The following NOL4L variants were observed in gnomAD, a reference collection of about 807,000 sequenced individuals.
The protein encoded by NOL4L is nucleolar protein 4-like.
Under a neutral mutation model 64.5 loss-of-function variants are expected in NOL4L, and 7 were observed. The ratio of observed to expected loss-of-function variants is 0.11; its 90% CI spans 0.06 to 0.20. The LOEUF is 0.20. Among genes scored for constraint, NOL4L ranks in the 10% least tolerant of loss-of-function variants. The pLI is 1.00. For synonymous variants in NOL4L, 413 were observed against 401.0 expected (o/e 1.03, Z -0.36); for missense variants, 680 against 967.1 (o/e 0.70, Z 3.94).
In NOL4L at chr20:32,453,297, G is replaced by T. The variant is rs186271969; in HGVS notation, c.1497+7C>A. On this transcript the variant is annotated splice_region_variant and intron_variant, in intron 8 of 10. Transcript: ENST00000621426. This position sits in a 1 kb window ranked among gnomAD's most constrained non-coding sequence, Gnocchi z 5.6. ...GGGAAAGTGTGGGCCAGGCAGGGGG[G>T]ACTCACCATCTCCATGCCGTTCTTC... The T allele has an allele frequency of 6.2e-4, 1,004 of 1,611,758 alleles. 2 individuals carry two copies. Among genetic ancestry groups the T allele is most frequent in the African/African-American group, 9.7e-4 (73 of 75,022 alleles).
chr20:32,507,036 G>A (rs2017166756), intron 4 of NOL4L, among the ~76,000 whole-genome samples: 1 of 152,184 alleles, frequency 6.6e-6, no homozygotes, highest in Non-Finnish European at 1.5e-5. Context: ...CAGTCCTCCA[G>A]AGGTGAGCCC....
chr20:32,572,532 C>T (rs1979817287), intron 1 of NOL4L: 1 of 152,216 alleles, frequency 6.6e-6, no homozygotes, highest in African/African-American at 2.4e-5. Context: ...GATTCGAACC[C>T]AGGGCTCTTG....
intron 1 of NOL4L, among the ~76,000 whole-genome samples, chr20:32,551,112 A>G (rs2018795366): frequency 6.6e-6 from 1 of 152,108 alleles, no homozygotes; most frequent in Non-Finnish European, 1.5e-5. Flanking sequence ...ACGGTGGCTC[A>G]TGCCTGTAAT....
chr20:32,515,405 G>T (rs1368318425), intron 3 of NOL4L, among the ~76,000 whole-genome samples: 2 of 152,128 alleles, frequency 1.3e-5, no homozygotes, highest in East Asian at 3.9e-4. Flanking sequence ...TTCTAGGTGA[G>T]GAAATGAGCC....
intron 10 of NOL4L, chr20:32,451,861 G>A (rs563735434): frequency 3.5e-4 from 59 of 170,072 alleles, no homozygotes; most frequent in Non-Finnish European, 6.3e-4. Context: ...ACGGGGCTGC[G>A]GAGATTCAAC....
chr20:32,559,432 A>C (rs1430741370), intron 1 of NOL4L, among the ~76,000 whole-genome samples: 11 of 152,266 alleles, frequency 7.2e-5, no homozygotes, highest in Admixed American at 6.5e-4. Flanking sequence ...AACACACAGT[A>C]GGAACTCGAT....
chr20:32,500,960 C>A (rs1004598308), intron 4 of NOL4L, among the ~76,000 whole-genome samples: 1 of 152,152 alleles, frequency 6.6e-6, no homozygotes, highest in Non-Finnish European at 1.5e-5. Flanking sequence ...AAACAAATCT[C>A]CTATGCATAA....
intron 4 of NOL4L, among the ~76,000 whole-genome samples, chr20:32,500,621 T>C (rs1039856005): frequency 4.6e-5 from 7 of 151,666 alleles, no homozygotes; most frequent in African/African-American, 1.7e-4. Context: ...GTTTTTAATA[T>C]GGTTTTCCAA....
Position 32,453,654 on chromosome 20 carries a change from A to G in NOL4L, c.1227T>C (p.Asp409=). The G allele has an allele frequency of 1.9e-6, 3 of 1,597,038 alleles. No individual in the cohort carries two copies. In the South Asian group the frequency reaches 3.4e-5, roughly 18 times the overall value. Reference sequence around the variant, plus strand: ...CATTGTCCTCATGGTCATCGTGGTCATCGTCGTCATCATCTGCCGTCGGGG... The same window carrying G: ...CATTGTCCTCATGGTCATCGTGGTCGTCGTCGTCATCATCTGCCGTCGGGG... ...GRAPTADDDD[D]DHDDHEDNDK... The change falls in exon 7 of 11, where the codon GAT becomes GAC. Residue 409 remains aspartate (D), a synonymous_variant. Transcript: ENST00000621426. This position sits in a 1 kb window ranked among gnomAD's most constrained non-coding sequence, Gnocchi z 5.6.
Position 32,527,744 on chromosome 20 carries a change from G to A in NOL4L, c.477+14C>T, listed in dbSNP as rs1195979550. 7 of 1,543,640 alleles carry A rather than the reference G, an allele frequency of 4.5e-6. No homozygotes were observed. The highest frequency in any genetic ancestry group is 4.1e-5 in the African/African-American group (3 of 72,928). On this transcript the variant is annotated intron_variant, in intron 2 of 10. Coordinates refer to ENST00000621426, the MANE Select transcript of NOL4L (RefSeq NM_001256798.2). ...CTGGGGCTGCCAGTGGAGGCAAAGAGACAGAAATCTCACCGCTCGGTAGGT... is the reference window on the plus strand; with the variant it reads ...CTGGGGCTGCCAGTGGAGGCAAAGAAACAGAAATCTCACCGCTCGGTAGGT...
Position 32,453,433 on chromosome 20 carries a change from G to C in NOL4L, c.1368C>G (p.Pro456=). The change falls in exon 8 of 11, where the codon CCC becomes CCG. Residue 456 remains proline (P), a synonymous_variant. Transcript: ENST00000621426. This position sits in a 1 kb window ranked among gnomAD's most constrained non-coding sequence, Gnocchi z 5.6. ...CGATGATGGCCTGGATCTTCTCCTT[G>C]GGCTGCTTGGAGATGGGCACCATGC... ...LDRMVPISKQ[P]KEKIQAIIES... 6.2e-7 allele frequency: 1 copy of C among 1,614,070 alleles called. No individual in the cohort carries two copies. The highest frequency in any genetic ancestry group is 8.5e-7 in the Non-Finnish European group (1 of 1,180,008).
At chr20:32,557,297 C>T (rs1173018176) in intron 1 of NOL4L, among the ~76,000 whole-genome samples, 1 of 152,246 alleles carries the variant, frequency 6.6e-6, no homozygotes, top group African/African-American at 2.4e-5. Context: ...AGCACCAAGC[C>T]TCCTTATCAC....
At position 32,460,473 on chromosome 20, in the gene NOL4L, C is replaced by T. The variant is rs147985923; in HGVS notation, c.842-4078G>A. Among the ~76,000 whole-genome samples the T allele has an allele frequency of 2.6e-3, 394 of 152,262 alleles. 3 individuals are homozygous for T. Among genetic ancestry groups the T allele is most frequent in the Middle Eastern group, 0.01 (3 of 292 alleles). ...CTGCAACCTGAGGCCCATGTTTTGCCGACTGGGGAGGCCACAGGTTTGAGC... is the reference window on the plus strand; with the variant it reads ...CTGCAACCTGAGGCCCATGTTTTGCTGACTGGGGAGGCCACAGGTTTGAGC... On this transcript the variant is annotated intron_variant, in intron 5 of 10. Transcript: ENST00000621426. The surrounding 1 kb of genome is among the most constrained non-coding windows in gnomAD (Gnocchi z 5.7).
At chr20:32,507,003 G>A (rs1019841458) in intron 4 of NOL4L, among the ~76,000 whole-genome samples, 3 of 152,198 alleles carry the variant, frequency 2.0e-5, no homozygotes, top group Admixed American at 1.3e-4. Context: ...GAACTGCAGA[G>A]AGGGAGGCAA....
At chr20:32,452,785 G>T (rs550772308) in intron 9 of NOL4L, 99 bp downstream of exon 9, 1 of 1,549,276 alleles carries the variant, frequency 6.5e-7, no homozygotes, top group East Asian at 2.3e-5. Flanking sequence ...CCCTTCTCCC[G>T]ACTGTACCCA....
At chr20:32,527,991 G>A in intron 1 of NOL4L, 78 bp from the exon 2 acceptor site, 1 of 1,395,620 alleles carries the variant, frequency 7.2e-7, no homozygotes, top group Admixed American at 2.1e-5. Flanking sequence ...CCGGGGCAAG[G>A]GGTCAGGACG....
Position 32,568,190 on chromosome 20 carries a change from CCAT to C in NOL4L, c.321+16377_321+16379del, listed in dbSNP as rs544567446. On this transcript the variant is annotated intron_variant, in intron 1 of 10. Coordinates refer to ENST00000621426, the MANE Select transcript of NOL4L (RefSeq NM_001256798.2). ...ACCATCACCACCATCAGCACCACCA[CCAT>C]AACTGTGTCATGTAGCATCCGTTCC... 8.7e-4 allele frequency among the ~76,000 whole-genome samples: 132 copies of C among 152,236 alleles called. 3 individuals carry two copies. The highest frequency in any genetic ancestry group is 1.4e-3 in the Admixed American group (22 of 15,270).
At chr20:32,498,803 C>A (rs901983476) in intron 4 of NOL4L, among the ~76,000 whole-genome samples, 6 of 141,624 alleles carry the variant, frequency 4.2e-5, no homozygotes, top group Non-Finnish European at 9.2e-5. Flanking sequence ...GCACTATTTT[C>A]TTTGGGAGGC....
intron 1 of NOL4L, among the ~76,000 whole-genome samples, chr20:32,568,686 G>A (rs1979582830): frequency 6.6e-6 from 1 of 152,164 alleles, no homozygotes; most frequent in African/African-American, 2.4e-5. Flanking sequence ...CACCGCCTGT[G>A]CCCCTGCCCG....
Sources: gnomAD v4.1 joint callset for allele counts (sites outside exome capture counted in the v4.1 genomes callset) on GRCh38, gnomAD v4.1.1 for gene constraint, Gnocchi (gnomAD v3.1) non-coding constraint, MANE v1.5 for transcripts, NCBI Gene and HGNC (gene_info 2026-07-23, HGNC 2026-07-21) for gene names.